Variants in ZNF841 observed in about 807,000 individuals in gnomAD.
The protein encoded by ZNF841 is TCONS_00006091.
In ZNF841, 11 loss-of-function variants were observed where a neutral mutation model predicts 13.0. The ratio of observed to expected loss-of-function variants is 0.85; its 90% confidence interval spans 0.53 to 1.40. ZNF841 has a LOEUF of 1.40. Among genes scored for constraint, ZNF841 ranks in the 40% most tolerant of loss-of-function variants. The pLI is 0.00. For synonymous variants in ZNF841, 369 were observed against 381.6 expected (o/e 0.97, Z 0.38); for missense variants, 1,068 against 1,139.5 (o/e 0.94, Z 0.90).
chr19:52,084,832 C>T lies in ZNF841; in HGVS notation c.-31G>A. On this transcript the variant is annotated 5_prime_UTR_variant, in exon 4 of 7. Coordinates refer to ENST00000594440, the MANE Select transcript of ZNF841 (RefSeq NM_001136499.2). ...GCTCCTTTTCTTTCTTCTTTCTCTC[C>T]TGGGCCTCTCTCTCAGTCAATATAA... 6.2e-7 allele frequency: 1 copy of T among 1,608,066 alleles called. No individual in the cohort carries two copies. The highest frequency in any genetic ancestry group is 1.7e-4 in the Middle Eastern group (1 of 5,874).
intron 5 of ZNF841, 159 bp downstream of exon 5, chr19:52,076,799 C>T: frequency 3.9e-6 from 3 of 769,282 alleles, no homozygotes; most frequent in Non-Finnish European, 6.0e-6. Context: ...AGAAATGGGA[C>T]AGTTAAAGGC....
rs200148670 is a variant in ZNF841, at chr19:52,066,325, G to A, written c.1557C>T (p.Gly519=). 8.1e-6 allele frequency: 13 copies of A among 1,613,754 alleles called. No individual in the cohort carries two copies. The highest frequency in any genetic ancestry group is 1.6e-4 in the Middle Eastern group (1 of 6,084). The part of the protein sequence containing the change: ...GEKPYKCNEC[G]KAFNWGSLLT... Reference sequence around the variant, plus strand: ...GTAATGAGCCCCAATTAAAGGCTTTGCCACATTCATTACATTTGTAAGGTT... The same window carrying A: ...GTAATGAGCCCCAATTAAAGGCTTTACCACATTCATTACATTTGTAAGGTT... The change falls in exon 7 of 7, where the codon GGC becomes GGT. Residue 519 remains glycine (G), a synonymous_variant. Transcript: ENST00000594440.
rs138854908 is a variant in ZNF841, at chr19:52,087,269, T to G, written c.-78+1668A>C. On this transcript the variant is annotated intron_variant, in intron 3 of 6. Transcript: ENST00000594440. ...AGGACGTGCAGGCTGGTTACATAGG[T>G]AAATGGGTCATGGGGATGTGTTGTA... Among the ~76,000 whole-genome samples the G allele has an allele frequency of 4.2e-3, 641 of 152,306 alleles. 4 individuals are homozygous for G. Among genetic ancestry groups the G allele is most frequent in the African/African-American group, 0.014 (599 of 41,562 alleles).
intron 1 of ZNF841, among the ~76,000 whole-genome samples, chr19:52,094,998 A>G (rs1186681665): frequency 1.3e-5 from 2 of 151,594 alleles, no homozygotes; most frequent in South Asian, 2.1e-4. Flanking sequence ...TTTTCTCCTC[A>G]GTTTTTCCTT....
At chr19:52,079,953 T>C (rs1600095099) in intron 4 of ZNF841, among the ~76,000 whole-genome samples, 1 of 148,178 alleles carries the variant, frequency 6.7e-6, no homozygotes, top group East Asian at 2.0e-4. Context: ...ATCGCACTAT[T>C]GTACTCCAGC....
chr19:52,073,884 T>C (rs1237216773), intron 6 of ZNF841, among the ~76,000 whole-genome samples: 1 of 152,182 alleles, frequency 6.6e-6, no homozygotes, highest in Non-Finnish European at 1.5e-5. Flanking sequence ...TGAAACTTAC[T>C]ACAGAAAAGC....
chr19:52,058,707 T>C, the ZNF841 span: 4 of 153,210 alleles, frequency 2.6e-5, no homozygotes, highest in African/African-American at 9.6e-5. Context: ...AAATTAATGT[T>C]TATAAGACTA....
chr19:52,073,266 A>T (rs1275089372), intron 6 of ZNF841, among the ~76,000 whole-genome samples: 1 of 151,980 alleles, frequency 6.6e-6, no homozygotes, highest in Admixed American at 6.6e-5. Context: ...TCTAGGAAAA[A>T]CTTTTCTGGA....
At chr19:52,085,706 C>A (rs1359324326) in intron 3 of ZNF841, among the ~76,000 whole-genome samples, 1 of 152,098 alleles carries the variant, frequency 6.6e-6, no homozygotes, top group Non-Finnish European at 1.5e-5. Context: ...CAACCTCAGC[C>A]CAGGGAACAG....
intron 2 of ZNF841, among the ~76,000 whole-genome samples, 188 bp downstream of exon 2, chr19:52,093,658 G>A (rs1364029194): frequency 6.6e-6 from 1 of 152,188 alleles, no homozygotes; most frequent in Non-Finnish European, 1.5e-5. Flanking sequence ...AGAAATGAAT[G>A]AGATCAGCTG....
In ZNF841 at chr19:52,065,616, G is replaced by C. The variant is rs372543170; in HGVS notation, c.2266C>G (p.Arg756Gly). Residue 756 changes from arginine (R) to glycine (G), a missense_variant, in exon 7 of 7, where the codon CGG becomes GGG. Physicochemically the swap from Arg to Gly is moderately radical, Grantham distance 125 (BLOSUM62 -2). Coordinates refer to ENST00000594440, the MANE Select transcript of ZNF841 (RefSeq NM_001136499.2). ...GGTTTCTCTCCAGTATGAATTCTCC[G>C]ATGCCTTGCCAGGGTTGTAGTGGAG... ...FNSTTTLARH[R>G]RIHTGEKPYK... The C allele has an allele frequency of 2.5e-6, 4 of 1,612,080 alleles. No homozygotes were observed. Among genetic ancestry groups the C allele is most frequent in the Non-Finnish European group, 3.4e-6 (4 of 1,179,012 alleles).
At position 52,066,022 on chromosome 19, in the gene ZNF841, G is replaced by C. The variant is rs760181616; in HGVS notation, c.1860C>G (p.Thr620=). The C allele has an allele frequency of 6.2e-7, 1 of 1,612,988 alleles. No homozygotes were observed. The highest frequency in any genetic ancestry group is 1.3e-5 in the African/African-American group (1 of 74,642). ...CGTTACACTGGAAAGGTTTCTCTCC[G>C]GTATGACTTCGCCTATGAATTGAAA... The part of the protein sequence containing the change: ...GNLSIHRRSH[T]GEKPFQCNEC... The change falls in exon 7 of 7, where the codon ACC becomes ACG. Residue 620 remains threonine (T), a synonymous_variant. Coordinates refer to ENST00000594440, the MANE Select transcript of ZNF841 (RefSeq NM_001136499.2).
Position 52,065,987 on chromosome 19 carries a change from T to C in ZNF841, c.1895A>G (p.Lys632Arg). The C allele has an allele frequency of 1.2e-6, 2 of 1,613,930 alleles. No homozygotes were observed. The highest frequency in any genetic ancestry group is 8.5e-7 in the Non-Finnish European group (1 of 1,179,936). ...EKPFQCNECG[K>R]VFSYYSCLAR... is the part of the protein sequence containing the mutation. ...TAGGCATGAGTAGTAACTGAAGACC[T>C]TGCCGCATTCGTTACACTGGAAAGG... The change falls in exon 7 of 7, where the codon AAG (lysine) becomes AGG (arginine). Residue 632 changes from lysine to arginine, a missense_variant. Physicochemically the swap from Lys to Arg is conservative, Grantham distance 26 (BLOSUM62 2). Transcript: ENST00000594440.
chr19:52,090,654 G>GGAAAGAAAGAAAGAAAGAAAGAAAGAAA (rs60931653), intron 2 of ZNF841, among the ~76,000 whole-genome samples: 11 of 84,590 alleles, frequency 1.3e-4, no homozygotes, highest in East Asian at 6.7e-4. Context: ...AAGGAAGGAA[G>GGAAAGAAAGAAAGAAAGAAAGAAAGAAA]GAAAGAAAGA....
intron 6 of ZNF841, 34 bp downstream of exon 6, chr19:52,076,010 G>A (rs1914823774): frequency 8.4e-6 from 13 of 1,550,188 alleles, no homozygotes; most frequent in African/African-American, 2.7e-5. Context: ...CAATTTCATG[G>A]TACCGCTTCC....
rs781543951 is a variant in ZNF841 at position 52,066,645 on chromosome 19, T to C, written c.1237A>G (p.Asn413Asp). Residue 413 changes from asparagine (N) to aspartate (D), a missense_variant, in exon 7 of 7, where the codon AAC becomes GAC. By Grantham distance (23) the Asn-to-Asp change is conservative. Coordinates refer to ENST00000594440, the MANE Select transcript of ZNF841 (RefSeq NM_001136499.2). Reference protein sequence around the residue: ...CNECGKTFKRNSSLTAHHIIH... With the variant: ...CNECGKTFKRDSSLTAHHIIH... ...ATATGATGTGCAGTGAGGCTTGAGT[T>C]CCGTTTAAAGGTTTTGCCACATTCA... is the stretch of plus-strand genomic sequence containing the variant. 1.9e-6 allele frequency: 3 copies of C among 1,613,164 alleles called. No homozygotes were observed. Among genetic ancestry groups the C allele is most frequent in the Non-Finnish European group, 2.5e-6 (3 of 1,179,580 alleles).
At chr19:52,069,326 C>T (rs2087677307) in intron 6 of ZNF841, among the ~76,000 whole-genome samples, 1 of 152,194 alleles carries the variant, frequency 6.6e-6, no homozygotes, top group African/African-American at 2.4e-5. Flanking sequence ...CTGCCCACCT[C>T]TGCCTCCCAA....
At position 52,066,058 on chromosome 19, in the gene ZNF841, G is replaced by T. The variant is rs752762586; in HGVS notation, c.1824C>A (p.Asp608Glu). The T allele has an allele frequency of 6.2e-6, 10 of 1,613,448 alleles. No individual in the cohort carries two copies. In the African/African-American group the frequency reaches 1.3e-4, roughly 22 times the overall value. Residue 608 changes from aspartate (D) to glutamate (E), a missense_variant, in exon 7 of 7, where the codon GAC (aspartate) becomes GAA (glutamate). By Grantham distance (45) the Asp-to-Glu change is conservative (BLOSUM62 2). Coordinates refer to ENST00000594440, the MANE Select transcript of ZNF841 (RefSeq NM_001136499.2). ...KCNVCGKVFI[D>E]SGNLSIHRRS... ...GCCTATGAATTGAAAGGTTTCCACT[G>T]TCAATGAAGACCTTGCCACACACAT...
chr19:52,085,762 G>A (rs2088252798), intron 3 of ZNF841, among the ~76,000 whole-genome samples: 1 of 152,214 alleles, frequency 6.6e-6, no homozygotes, highest in Non-Finnish European at 1.5e-5. Flanking sequence ...GAAGGACACA[G>A]GGAGGAGATG....
Sources: gnomAD v4.1 joint callset for allele counts (sites outside exome capture counted in the v4.1 genomes callset) on GRCh38, gnomAD v4.1.1 for gene constraint, MANE v1.5 for transcripts, NCBI Gene and HGNC (gene_info 2026-07-23, HGNC 2026-07-21) for gene names.